The following CHCHD3 variants were observed in gnomAD, a reference collection of about 807,000 sequenced individuals.
The protein encoded by CHCHD3 is coiled-coil-helix-coiled-coil-helix domain containing 3.
In CHCHD3, 20 loss-of-function variants were observed where a neutral mutation model predicts 38.2. The ratio of observed to expected loss-of-function variants is 0.52; its 90% confidence interval spans 0.37 to 0.76. The LOEUF is 0.76. CHCHD3 is among the 30% of genes least tolerant of loss of function. The probability of loss-of-function intolerance (pLI) is 0.00; values close to 1 mark genes in which losing one functional copy is unlikely to be tolerated. For synonymous variants in CHCHD3, 82 were observed against 100.0 expected (o/e 0.82, Z 1.07); for missense variants, 245 against 279.2 (o/e 0.88, Z 0.87).
chr7:132,998,930 C>T (rs1472011921), intron 3 of CHCHD3, among the ~76,000 whole-genome samples: 2 of 152,120 alleles, frequency 1.3e-5, no homozygotes, highest in African/African-American at 2.4e-5. Flanking sequence ...ACTGACAAAT[C>T]AGTTAACTAA....
At position 132,902,197 on chromosome 7, in the gene CHCHD3, G is replaced by C. The variant is rs566790150; in HGVS notation, c.370-16452C>G. Among the ~76,000 whole-genome samples, 202 of 152,258 alleles carry C rather than the reference G, an allele frequency of 1.3e-3. 1 individual carries two copies. Among genetic ancestry groups the C allele is most frequent in the Admixed American group, 3.2e-3 (49 of 15,302 alleles). On this transcript the variant is annotated intron_variant, in intron 4 of 7. Transcript: ENST00000262570. ...GTGCTGGAGAGGATAGGGAGAAATA[G>C]GAACACTTTTACACTGTTGGTGGGA...
chr7:132,919,043 G>C (rs1810190348), intron 4 of CHCHD3, among the ~76,000 whole-genome samples: 1 of 144,660 alleles, frequency 6.9e-6, no homozygotes, highest in South Asian at 2.3e-4. Context: ...AGCTTATACT[G>C]TATCTGAATC....
chr7:132,917,733 C>A (rs950072931), intron 4 of CHCHD3, among the ~76,000 whole-genome samples: 1 of 151,772 alleles, frequency 6.6e-6, no homozygotes, highest in African/African-American at 2.4e-5. Flanking sequence ...TTGGCGGGCG[C>A]CTGTAGTCCC....
At chr7:132,837,693 T>C (rs1807822961) in intron 6 of CHCHD3, among the ~76,000 whole-genome samples, 1 of 152,194 alleles carries the variant, frequency 6.6e-6, no homozygotes, top group African/African-American at 2.4e-5. Context: ...TCACAACAAC[T>C]TTTTTTGCTT....
rs528026714 is a variant in CHCHD3, at chr7:132,996,841, A to AAGGGG, written c.252-21560_252-21556dup. On this transcript the variant is annotated intron_variant, in intron 3 of 7. Coordinates refer to ENST00000262570, the MANE Select transcript of CHCHD3 (RefSeq NM_017812.4). Reference sequence around the variant, plus strand: ...AACACCGTGGGGTGGGACGCAAAGCAAGGGGAAGGGACTGCAAGATTAACT... The same window carrying AAGGGG: ...AACACCGTGGGGTGGGACGCAAAGCAAGGGGAGGGGAAGGGACTGCAAGATTAACT... Among the ~76,000 whole-genome samples the AAGGGG allele has an allele frequency of 3.4e-3, 512 of 152,332 alleles. 3 individuals carry two copies. Among genetic ancestry groups the AAGGGG allele is most frequent in the South Asian group, 0.011 (51 of 4,828 alleles).
intron 4 of CHCHD3, among the ~76,000 whole-genome samples, chr7:132,961,001 G>T (rs1011441581): frequency 6.6e-6 from 1 of 152,058 alleles, no homozygotes; most frequent in East Asian, 1.9e-4. Context: ...AAGGGGCTCA[G>T]GATGCAGCAT....
chr7:132,804,634 G>A (rs1168897080), intron 6 of CHCHD3, among the ~76,000 whole-genome samples: 1 of 152,152 alleles, frequency 6.6e-6, no homozygotes, highest in African/African-American at 2.4e-5. Context: ...TGAGGACTGT[G>A]ACACATTCTA....
In CHCHD3 at chr7:132,916,771, GTC is replaced by G. The variant is rs1337797758; in HGVS notation, c.370-31028_370-31027del. Among the ~76,000 whole-genome samples the G allele has an allele frequency of 1.7e-4, 26 of 152,118 alleles. No individual in the cohort carries two copies. In the East Asian group the frequency reaches 4.8e-3, roughly 28 times the overall value. On this transcript the variant is annotated intron_variant, in intron 4 of 7. Coordinates refer to ENST00000262570, the MANE Select transcript of CHCHD3 (RefSeq NM_017812.4). The stretch of plus-strand genomic sequence containing the variant: ...TAATTTTATTTTTGGTAGAGATGGG[GTC>G]TCTCTATATTTGCCCAGGCTGGTCT...
At chr7:132,835,198 T>C (rs752524981) in intron 6 of CHCHD3, among the ~76,000 whole-genome samples, 34 of 150,950 alleles carry the variant, frequency 2.3e-4, no homozygotes, top group South Asian at 1.0e-3. Flanking sequence ...GACAGGCTGG[T>C]CTCAAAATCC....
chr7:132,906,161 T>C (rs1809800905), intron 4 of CHCHD3, among the ~76,000 whole-genome samples: 1 of 152,206 alleles, frequency 6.6e-6, no homozygotes, highest in East Asian at 1.9e-4. Context: ...GATAAATACA[T>C]ACAATGTTAT....
chr7:132,958,045 A>T (rs562070570), intron 4 of CHCHD3, among the ~76,000 whole-genome samples: 1 of 152,346 alleles, frequency 6.6e-6, no homozygotes, highest in South Asian at 2.1e-4. Flanking sequence ...ACCTCCTGCT[A>T]AGATATACTC....
intron 4 of CHCHD3, among the ~76,000 whole-genome samples, chr7:132,974,197 C>T: frequency 6.6e-6 from 1 of 151,896 alleles, no homozygotes; most frequent in Admixed American, 6.6e-5. Flanking sequence ...TGTTAAAAAG[C>T]CTAGAAAAAA....
intron 2 of CHCHD3, among the ~76,000 whole-genome samples, chr7:133,031,276 G>A (rs1227876239): frequency 6.6e-6 from 1 of 152,098 alleles, no homozygotes; most frequent in Non-Finnish European, 1.5e-5. Context: ...GATATGAAGG[G>A]AGGGAATGGT....
At chr7:133,057,990 A>C (rs1336113961) in intron 2 of CHCHD3, among the ~76,000 whole-genome samples, 1 of 152,178 alleles carries the variant, frequency 6.6e-6, no homozygotes, top group Non-Finnish European at 1.5e-5. Context: ...GTTTTAAAAA[A>C]TTTCACAAAA....
chr7:132,969,565 T>C (rs1255064611), intron 4 of CHCHD3, among the ~76,000 whole-genome samples: 1 of 152,226 alleles, frequency 6.6e-6, no homozygotes, highest in Non-Finnish European at 1.5e-5. Flanking sequence ...ATGAAGTTAC[T>C]GATACTAGAA....
intron 3 of CHCHD3, among the ~76,000 whole-genome samples, chr7:133,013,935 C>A (rs977242398): frequency 2.0e-5 from 3 of 151,978 alleles, no homozygotes; most frequent in Admixed American, 6.6e-5. Flanking sequence ...GAATGAATTT[C>A]CTATGTCAAA....
intron 7 of CHCHD3, among the ~76,000 whole-genome samples, chr7:132,794,035 T>C (rs904425701): frequency 2.0e-5 from 3 of 152,168 alleles, no homozygotes; most frequent in Non-Finnish European, 4.4e-5. Context: ...AGAAGCTCCT[T>C]CTGGCCACTG....
intron 4 of CHCHD3, among the ~76,000 whole-genome samples, chr7:132,952,771 T>C (rs1811062745): frequency 6.6e-6 from 1 of 152,232 alleles, no homozygotes; most frequent in Admixed American, 6.5e-5. Context: ...AAATGCTCAT[T>C]ACCTACAAAA....
intron 4 of CHCHD3, among the ~76,000 whole-genome samples, chr7:132,895,183 T>C (rs182140780): frequency 6.6e-6 from 1 of 152,340 alleles, no homozygotes; most frequent in Non-Finnish European, 1.5e-5. Context: ...AGAAATCCAA[T>C]GAGGCCTCTA....
Sources: gnomAD v4.1 joint callset for allele counts (sites outside exome capture counted in the v4.1 genomes callset) on GRCh38, gnomAD v4.1.1 for gene constraint, MANE v1.5 for transcripts, NCBI Gene and HGNC (gene_info 2026-07-23, HGNC 2026-07-21) for gene names.